Variants in ZNRF3 observed in about 807,000 individuals in gnomAD.
ZNRF3 encodes the protein E3 ubiquitin-protein ligase ZNRF3.
In ZNRF3, 23 loss-of-function variants were observed where a neutral mutation model predicts 72.5. That is an observed-to-expected ratio of 0.32 (90% CI 0.23 to 0.45). The LOEUF is 0.45. Among genes scored for constraint, ZNRF3 ranks in the 20% least tolerant of loss-of-function variants. The pLI is 1.00. For missense variants in ZNRF3, 1,169 were observed against 1,272.1 expected (o/e 0.92, Z 1.23); for synonymous variants, 610 against 545.3 (o/e 1.12, Z -1.65).
chr22:28,895,645 C>T lies in ZNRF3; in HGVS notation c.300+11579C>T, dbSNP rs910753167. Among the ~76,000 whole-genome samples, 14 of 152,000 alleles carry T rather than the reference C, an allele frequency of 9.2e-5. 1 individual carries two copies. The highest frequency in any genetic ancestry group is 1.9e-4 in the East Asian group (1 of 5,140). On this transcript the variant is annotated intron_variant, in intron 1 of 8. Coordinates refer to ENST00000544604, the MANE Select transcript of ZNRF3 (RefSeq NM_001206998.2). The stretch of plus-strand genomic sequence containing the variant: ...TTGCGCCACTGCACTCCAGCCTGGG[C>T]GACAGAGCGAGACTCCGTCTCAAAA...
At position 28,883,931 on chromosome 22, in the gene ZNRF3, C is replaced by A; in HGVS notation, c.165C>A (p.Ala55=). ...LAAAGPGAAR[A]KETAFVEVVL... is the part of the protein sequence containing the mutation. ...CCGCGGGGCCCGGCGCGGCGCGGGC[C>A]AAGGAGACGGCGTTCGTGGAGGTGG... Residue 55 remains alanine (A), a synonymous_variant, in exon 1 of 9, where the codon GCC becomes GCA. Transcript: ENST00000544604. This position sits in a 1 kb window ranked among gnomAD's most constrained non-coding sequence, Gnocchi z 5.5. The A allele has an allele frequency of 8.0e-7, 1 of 1,246,740 alleles. No homozygotes were observed. Among genetic ancestry groups the A allele is most frequent in the South Asian group, 1.5e-5 (1 of 65,178 alleles). 77.2% of individuals were successfully genotyped at this position (1,246,740 alleles called of 1,614,324 possible). A position where few individuals can be genotyped will look rare whatever the true frequency, so the allele number is the denominator to read the frequency against.
intron 8 of ZNRF3, among the ~76,000 whole-genome samples, chr22:29,051,856 G>A (rs1294989906): frequency 5.6e-5 from 8 of 142,910 alleles, no homozygotes; most frequent in Non-Finnish European, 9.0e-5. Flanking sequence ...AGTGAGCCGC[G>A]CTCCAGCCTG....
At chr22:28,946,499 T>C (rs2035054454) in intron 1 of ZNRF3, among the ~76,000 whole-genome samples, 1 of 152,270 alleles carries the variant, frequency 6.6e-6, no homozygotes, top group African/African-American at 2.4e-5. Context: ...AATGACTTAC[T>C]AGTATTTGGG....
chr22:29,006,130 G>T (rs1358955467), intron 2 of ZNRF3, among the ~76,000 whole-genome samples: 3 of 151,510 alleles, frequency 2.0e-5, no homozygotes, highest in Non-Finnish European at 4.4e-5. Flanking sequence ...TCTGCCTTGG[G>T]CTTATTGCAC....
intron 2 of ZNRF3, among the ~76,000 whole-genome samples, chr22:29,034,291 T>C (rs898529712): frequency 5.3e-5 from 8 of 152,214 alleles, no homozygotes; most frequent in Non-Finnish European, 1.0e-4. Flanking sequence ...CTCGAATGTT[T>C]CCATACTGAT....
At chr22:28,977,433 A>G (rs571716886) in intron 1 of ZNRF3, among the ~76,000 whole-genome samples, 2 of 152,328 alleles carry the variant, frequency 1.3e-5, no homozygotes, top group African/African-American at 4.8e-5. Flanking sequence ...AGAGGGAAAA[A>G]AAATCCTTAT....
intron 1 of ZNRF3, among the ~76,000 whole-genome samples, chr22:28,926,163 T>G (rs888724300): frequency 2.0e-5 from 3 of 152,222 alleles, no homozygotes; most frequent in African/African-American, 7.2e-5. Context: ...TCTCTTTGCC[T>G]TCTAGTGGTC....
chr22:28,944,393 C>T (rs967316836), intron 1 of ZNRF3, among the ~76,000 whole-genome samples: 5 of 151,894 alleles, frequency 3.3e-5, no homozygotes, highest in South Asian at 2.1e-4. Flanking sequence ...GAGGCTGAGG[C>T]GGGCGGATCA....
At chr22:28,998,818 T>G (rs1225718208) in intron 2 of ZNRF3, among the ~76,000 whole-genome samples, 1 of 152,104 alleles carries the variant, frequency 6.6e-6, no homozygotes, top group African/African-American at 2.4e-5. Context: ...ATAGAGTGAG[T>G]TAACAGAACA....
chr22:28,941,484 C>A (rs1161785707), intron 1 of ZNRF3, among the ~76,000 whole-genome samples: 1 of 152,118 alleles, frequency 6.6e-6, no homozygotes, highest in Non-Finnish European at 1.5e-5. Flanking sequence ...TTCCTTTTCT[C>A]TTTTCCACTT....
intron 2 of ZNRF3, among the ~76,000 whole-genome samples, chr22:28,998,028 G>A (rs1490234435): frequency 1.3e-5 from 2 of 150,616 alleles, no homozygotes; most frequent in Admixed American, 1.3e-4. Flanking sequence ...ACCCAGGCAC[G>A]GTGGCTCACG....
chr22:28,992,477 A>G (rs1408040472), intron 2 of ZNRF3, among the ~76,000 whole-genome samples: 3 of 152,010 alleles, frequency 2.0e-5, no homozygotes, highest in African/African-American at 4.8e-5. Context: ...ATTTGGTAGG[A>G]GACGCAGCCC....
At chr22:29,044,688 C>A (rs2037028962) in intron 4 of ZNRF3, 92 bp from the exon 5 acceptor site, 1 of 860,520 alleles carries the variant, frequency 1.2e-6, no homozygotes, top group Non-Finnish European at 2.0e-6. Flanking sequence ...CCCGGTCACC[C>A]CATCTTTATC....
chr22:29,028,206 G>A (rs895753135), intron 2 of ZNRF3, among the ~76,000 whole-genome samples: 2 of 152,178 alleles, frequency 1.3e-5, no homozygotes, highest in Non-Finnish European at 2.9e-5. Flanking sequence ...TGAATATAAC[G>A]CCTTTGGATG....
chr22:28,975,184 C>T (rs930456002), intron 1 of ZNRF3, among the ~76,000 whole-genome samples: 4 of 151,802 alleles, frequency 2.6e-5, no homozygotes, highest in African/African-American at 7.3e-5. Context: ...TTTGGGAGTC[C>T]GAGGCGGGCG....
chr22:29,054,712 T>C lies in ZNRF3; in HGVS notation c.*1090T>C, dbSNP rs1247488089. On this transcript the variant is annotated 3_prime_UTR_variant, in exon 9 of 9. Transcript: ENST00000544604. Reference sequence around the variant, plus strand: ...CTCCACTGACCCAGCAGCACACCCATGTGCAGTGCGCCTGCATCTGTGTGG... The same window carrying C: ...CTCCACTGACCCAGCAGCACACCCACGTGCAGTGCGCCTGCATCTGTGTGG... 6.5e-6 allele frequency: 1 copy of C among 152,694 alleles called. No homozygotes were observed. The highest frequency in any genetic ancestry group is 1.5e-5 in the Non-Finnish European group (1 of 68,100). The allele number at this position is 152,694 out of a possible 1,614,324, so 9.5% of individuals were successfully genotyped here. A position where few individuals can be genotyped will look rare whatever the true frequency, so the allele number is the denominator to read the frequency against.
At chr22:28,954,665 G>A (rs1333745225) in intron 1 of ZNRF3, among the ~76,000 whole-genome samples, 1 of 151,614 alleles carries the variant, frequency 6.6e-6, no homozygotes, top group Non-Finnish European at 1.5e-5. Context: ...GAGTCACTCT[G>A]TTGACCAGGC....
intron 1 of ZNRF3, among the ~76,000 whole-genome samples, chr22:28,936,501 C>G (rs548850234): frequency 6.6e-6 from 1 of 152,306 alleles, no homozygotes; most frequent in East Asian, 1.9e-4. Context: ...CTGAGGTCCA[C>G]TCTGCTGGAT....
At chr22:28,958,145 G>T (rs1241645023) in intron 1 of ZNRF3, among the ~76,000 whole-genome samples, 2 of 152,184 alleles carry the variant, frequency 1.3e-5, no homozygotes, top group Non-Finnish European at 2.9e-5. Flanking sequence ...CTGAGATTGC[G>T]CCACTGCATG....
Sources: gnomAD v4.1 joint callset for allele counts (sites outside exome capture counted in the v4.1 genomes callset) on GRCh38, gnomAD v4.1.1 for gene constraint, Gnocchi (gnomAD v3.1) non-coding constraint, MANE v1.5 for transcripts, NCBI Gene and HGNC (gene_info 2026-07-23, HGNC 2026-07-21) for gene names.